SLCO1B1: variants seen among roughly 807,000 people sequenced by gnomAD.
SLCO1B1 encodes solute carrier organic anion transporter family member 1B1, also known as OATP-2.
SLCO1B1 carries 81 observed loss-of-function variants against 70.1 expected under a neutral mutation model. That is an observed-to-expected ratio of 1.16 (90% CI 0.97 to 1.39). The LOEUF is 1.39. SLCO1B1 is among the 40% of genes most tolerant of loss of function. The probability of loss-of-function intolerance (pLI) is 0.00; values close to 1 mark genes in which losing one functional copy is unlikely to be tolerated. For synonymous variants in SLCO1B1, 283 were observed against 271.5 expected (o/e 1.04, Z -0.42); for missense variants, 895 against 799.6 (o/e 1.12, Z -1.44).
chr12:21,231,016 C>T (rs1423756906), intron 14 of SLCO1B1, among the ~76,000 whole-genome samples: 2 of 131,018 alleles, frequency 1.5e-5, no homozygotes, highest in African/African-American at 2.8e-5. Context: ...TGTTCCCCTT[C>T]CTGTGTCCAA....
chr12:21,188,752 C>CA lies in SLCO1B1; in HGVS notation c.728-8193dup, dbSNP rs550983246. 3.5e-4 allele frequency among the ~76,000 whole-genome samples: 54 copies of CA among 152,220 alleles called. 1 individual carries two copies. In the South Asian group the frequency reaches 0.011, roughly 30 times the overall value. ...AACTGCATAACTGAAACTTTATACC[C>CA]ATTGACTAACAACTCCCTGCTTCCC... On this transcript the variant is annotated intron_variant, in intron 7 of 14. Coordinates refer to ENST00000256958, the MANE Select transcript of SLCO1B1 (RefSeq NM_006446.5).
chr12:21,220,742 T>C (rs1031159295), intron 12 of SLCO1B1, among the ~76,000 whole-genome samples: 11 of 150,754 alleles, frequency 7.3e-5, no homozygotes, highest in Non-Finnish European at 1.6e-4. Context: ...GAGTTGAACC[T>C]GGGAGGCGGA....
rs575660564 is a variant in SLCO1B1 at position 21,219,864 on chromosome 12, C to T, written c.1683-2436C>T. 4.6e-5 allele frequency among the ~76,000 whole-genome samples: 7 copies of T among 152,262 alleles called. No homozygotes were observed. The East Asian group carries it at 9.6e-4, about 21-fold the overall frequency. ...CAACCCTCCGCCTCCCAGGTTCAAA[C>T]GATGCTCCTGCCTCAACCTCCTAAG... On this transcript the variant is annotated intron_variant, in intron 12 of 14. Transcript: ENST00000256958.
At position 21,205,920 on chromosome 12, in the gene SLCO1B1, G is replaced by C; in HGVS notation, c.1384G>C (p.Asp462His). The C allele has an allele frequency of 5.6e-6, 9 of 1,610,646 alleles. No individual in the cohort carries two copies. Among genetic ancestry groups the C allele is most frequent in the Non-Finnish European group, 7.6e-6 (9 of 1,177,446 alleles). The stretch of plus-strand genomic sequence containing the variant: ...TGTACCACTTTCTTATTGCAACTCA[G>C]ACTGCAATTGTGATGAAAGTCAATG... ...RDVPLSYCNS[D>H]CNCDESQWEP... Residue 462 changes from aspartate (D) to histidine (H), a missense_variant, in exon 11 of 15, where the codon GAC (aspartate) becomes CAC (histidine). Asp to His is a moderately conservative substitution (Grantham distance 81). Transcript: ENST00000256958.
At chr12:21,213,782 C>G (rs1322248613) in intron 11 of SLCO1B1, among the ~76,000 whole-genome samples, 1 of 149,194 alleles carries the variant, frequency 6.7e-6, no homozygotes, top group Non-Finnish European at 1.5e-5. Context: ...TCTTTTTTCT[C>G]TAAACTTCCC....
chr12:21,142,869 T>C (rs1045325286), intron 2 of SLCO1B1, among the ~76,000 whole-genome samples: 2 of 152,078 alleles, frequency 1.3e-5, no homozygotes, highest in African/African-American at 4.8e-5. Flanking sequence ...CCTTATAGCA[T>C]ATCTGGAGAA....
rs9739284 is a variant in SLCO1B1 at position 21,134,331 on chromosome 12, G to A, written c.-62+3095G>A. 2.6e-3 allele frequency among the ~76,000 whole-genome samples: 397 copies of A among 152,238 alleles called. 2 individuals are homozygous for A. Among genetic ancestry groups the A allele is most frequent in the African/African-American group, 8.9e-3 (368 of 41,548 alleles). On this transcript the variant is annotated intron_variant, in intron 1 of 14. Coordinates refer to ENST00000256958, the MANE Select transcript of SLCO1B1 (RefSeq NM_006446.5). ...TTTCTCTGCCAGGCTTTGGTATCAG[G>A]ATGATGCTGGCCTCATAAAATGAGT...
chr12:21,230,245 A>G (rs1286744842), intron 14 of SLCO1B1, among the ~76,000 whole-genome samples: 4 of 150,330 alleles, frequency 2.7e-5, no homozygotes, highest in Non-Finnish European at 5.9e-5. Context: ...TACTATATTT[A>G]TACATTGTTG....
chr12:21,232,942 T>C (rs1941556935), intron 14 of SLCO1B1, among the ~76,000 whole-genome samples: 1 of 152,184 alleles, frequency 6.6e-6, no homozygotes, highest in African/African-American at 2.4e-5. Context: ...CCTTTTCTGT[T>C]TTATAAAACT....
chr12:21,155,190 ATT>A (rs1037432913), intron 2 of SLCO1B1, among the ~76,000 whole-genome samples: 3 of 151,194 alleles, frequency 2.0e-5, no homozygotes, highest in Non-Finnish European at 4.4e-5. Context: ...ATTTTTTCTC[ATT>A]TTAAGGCATT....
chr12:21,135,774 T>C (rs555068250), intron 1 of SLCO1B1, among the ~76,000 whole-genome samples: 37 of 152,356 alleles, frequency 2.4e-4, no homozygotes, highest in African/African-American at 8.4e-4. Flanking sequence ...CTGATTGGTC[T>C]TGACTCTTTA....
At chr12:21,224,917 ATAATAT>A in intron 14 of SLCO1B1, 78 bp downstream of exon 14, 1 of 721,898 alleles carries the variant, frequency 1.4e-6, no homozygotes, top group Admixed American at 2.5e-5. Context: ...TCATTATATA[ATAATAT>A]TAATAATGAT....
At chr12:21,145,841 T>C (rs1275325544) in intron 2 of SLCO1B1, among the ~76,000 whole-genome samples, 1 of 152,186 alleles carries the variant, frequency 6.6e-6, no homozygotes, top group African/African-American at 2.4e-5. Context: ...CAAGTGGTGC[T>C]GGTTACATTT....
At chr12:21,208,347 G>A (rs1941238482) in intron 11 of SLCO1B1, among the ~76,000 whole-genome samples, 1 of 151,972 alleles carries the variant, frequency 6.6e-6, no homozygotes, top group Admixed American at 6.6e-5. Flanking sequence ...TCTCTGCATA[G>A]TTAGCCAGTT....
intron 10 of SLCO1B1, 134 bp downstream of exon 10, chr12:21,202,820 T>G (rs977300141): frequency 1.4e-5 from 10 of 706,568 alleles, no homozygotes; most frequent in Non-Finnish European, 4.6e-6. Flanking sequence ...ATTTTAAAAT[T>G]TTTAAAATAT....
At chr12:21,211,800 A>G (rs1215889188) in intron 11 of SLCO1B1, among the ~76,000 whole-genome samples, 2 of 152,110 alleles carry the variant, frequency 1.3e-5, no homozygotes, top group Admixed American at 6.5e-5. Context: ...GAGAGTGTAT[A>G]TGTCAAGGAA....
chr12:21,225,472 T>C (rs1941473067), intron 14 of SLCO1B1, among the ~76,000 whole-genome samples: 1 of 152,156 alleles, frequency 6.6e-6, no homozygotes, highest in Non-Finnish European at 1.5e-5. Context: ...ATTATACACT[T>C]TGAAATGTGA....
intron 1 of SLCO1B1, among the ~76,000 whole-genome samples, chr12:21,138,565 T>G (rs1298207671): frequency 1.3e-5 from 2 of 152,206 alleles, no homozygotes; most frequent in Non-Finnish European, 2.9e-5. Context: ...AGGAACAAAG[T>G]GTCCACCTTT....
At chr12:21,145,661 G>A (rs186360073) in intron 2 of SLCO1B1, among the ~76,000 whole-genome samples, 53 of 151,568 alleles carry the variant, frequency 3.5e-4, no homozygotes, top group East Asian at 5.8e-4. Context: ...ACTTGATCAC[G>A]AGTAATACAT....
Sources: allele counts gnomAD v4.1 joint callset (sites outside exome capture counted in the v4.1 genomes callset), GRCh38; gene constraint gnomAD v4.1.1; transcripts MANE v1.5; gene names NCBI Gene and HGNC (gene_info 2026-07-23, HGNC 2026-07-21).